The following THSD7B variants were observed in gnomAD, a reference collection of about 807,000 sequenced individuals.
The protein encoded by THSD7B is thrombospondin type-1 domain-containing protein 7B.
THSD7B carries 138 observed loss-of-function variants against 213.6 expected under a neutral mutation model. The observed-to-expected ratio is 0.65, with a 90% CI of 0.56 to 0.74. The LOEUF (loss-of-function observed/expected upper bound fraction) is 0.74. THSD7B is among the 30% of genes least tolerant of loss of function. The pLI is 0.00. For missense variants in THSD7B, 1,931 were observed against 1,991.5 expected (o/e 0.97, Z 0.58); for synonymous variants, 742 against 687.0 (o/e 1.08, Z -1.25).
intron 21 of THSD7B, among the ~76,000 whole-genome samples, chr2:137,650,697 A>G (rs1683122135): frequency 6.6e-6 from 1 of 152,196 alleles, no homozygotes; most frequent in Admixed American, 6.5e-5. Context: ...TTCTCCATTC[A>G]ATACAATGTT....
intron 17 of THSD7B, among the ~76,000 whole-genome samples, chr2:137,588,642 A>G (rs1681796019): frequency 1.3e-5 from 2 of 152,000 alleles, no homozygotes; most frequent in Non-Finnish European, 2.9e-5. Flanking sequence ...TTTAGCTCAT[A>G]TAGTCTCATG....
At chr2:136,944,346 A>T (rs189546776) in intron 2 of THSD7B, among the ~76,000 whole-genome samples, 1 of 152,284 alleles carries the variant, frequency 6.6e-6, no homozygotes, top group Non-Finnish European at 1.5e-5. Flanking sequence ...AGCTGAGAAG[A>T]ATGTGTATTC....
intron 2 of THSD7B, among the ~76,000 whole-genome samples, chr2:136,989,593 A>G (rs1301289420): frequency 6.6e-6 from 1 of 152,130 alleles, no homozygotes; most frequent in Non-Finnish European, 1.5e-5. Flanking sequence ...TTTCTTTATA[A>G]ATTACCCAGC....
rs1553437349 is a variant in THSD7B at position 137,303,706 on chromosome 2, A to ATATATATTTATATATATGTTTT, written c.2500+27687_2500+27688insTTATATATATGTTTTTATATAT. ...TATTTATATATATTTATATATATTTATATATATATTTATATATATATTTAT... is the reference window on the plus strand; with the variant it reads ...TATTTATATATATTTATATATATTTATATATATTTATATATATGTTTTTATATATATTTATATATATATTTAT... On this transcript the variant is annotated intron_variant, in intron 12 of 27. Transcript: ENST00000409968. Among the ~76,000 whole-genome samples, 17 of 122,166 alleles carry ATATATATTTATATATATGTTTT rather than the reference A, an allele frequency of 1.4e-4. 1 individual carries two copies. Among genetic ancestry groups the ATATATATTTATATATATGTTTT allele is most frequent in the African/African-American group, 5.3e-4 (17 of 31,858 alleles). 80.1% of individuals were successfully genotyped at this position (122,166 alleles called of 152,430 possible).
intron 12 of THSD7B, among the ~76,000 whole-genome samples, chr2:137,404,498 CACACACACAT>C (rs1197894835): frequency 2.8e-4 from 40 of 140,770 alleles, no homozygotes; most frequent in South Asian, 4.5e-4. Context: ...CACACACACA[CACACACACAT>C]ATATGTATAT....
intron 6 of THSD7B, among the ~76,000 whole-genome samples, chr2:137,169,417 A>G (rs1472224927): frequency 6.6e-6 from 1 of 151,618 alleles, no homozygotes; most frequent in East Asian, 2.0e-4. Context: ...TCTTTCTCCA[A>G]CTATACCTTG....
chr2:137,102,865 C>T (rs1191544072), intron 4 of THSD7B, among the ~76,000 whole-genome samples: 1 of 152,122 alleles, frequency 6.6e-6, no homozygotes, highest in Admixed American at 6.5e-5. Context: ...AGAACAAAGC[C>T]TCCAAGAACC....
chr2:137,247,585 A>G (rs1162004249), intron 10 of THSD7B, among the ~76,000 whole-genome samples: 1 of 152,184 alleles, frequency 6.6e-6, no homozygotes, highest in Non-Finnish European at 1.5e-5. Flanking sequence ...GTCTCAAATA[A>G]TTGGAGGCTG....
Position 136,978,925 on chromosome 2 carries a change from T to C in THSD7B, c.140-77495T>C, listed in dbSNP as rs1391356463. 2.6e-5 allele frequency among the ~76,000 whole-genome samples: 4 copies of C among 151,302 alleles called. No homozygotes were observed. The East Asian group carries it at 7.7e-4, about 29-fold the overall frequency. ...TGTTTTTTTTTTTTGTAGTGGTTGG[T>C]ATAGGCTTTTTCTTTCCATATTCAT... On this transcript the variant is annotated intron_variant, in intron 2 of 27. Coordinates refer to ENST00000409968, the MANE Select transcript of THSD7B (RefSeq NM_001316349.2).
At chr2:137,518,064 C>A (rs892078629) in intron 15 of THSD7B, among the ~76,000 whole-genome samples, 11 of 152,036 alleles carry the variant, frequency 7.2e-5, no homozygotes, top group East Asian at 1.9e-4. Flanking sequence ...TGGTTGGGCT[C>A]CCAATCACAT....
At chr2:137,072,619 G>C (rs1445747451) in intron 3 of THSD7B, among the ~76,000 whole-genome samples, 2 of 152,074 alleles carry the variant, frequency 1.3e-5, no homozygotes. Flanking sequence ...TAATTGCCCT[G>C]GCCAGAACTT....
intron 15 of THSD7B, among the ~76,000 whole-genome samples, chr2:137,551,338 G>T (rs1346402325): frequency 6.6e-6 from 1 of 152,118 alleles, no homozygotes. Flanking sequence ...GGGGAGAAAA[G>T]CTCATTCAAG....
intron 27 of THSD7B, among the ~76,000 whole-genome samples, chr2:137,675,395 A>G (rs1303722174): frequency 1.4e-5 from 2 of 140,434 alleles, no homozygotes; most frequent in Non-Finnish European, 3.0e-5. Context: ...CAAGTGCTAA[A>G]TGAATGCCAT....
chr2:137,328,872 C>T (rs969341581), intron 12 of THSD7B, among the ~76,000 whole-genome samples: 2 of 152,156 alleles, frequency 1.3e-5, no homozygotes, highest in Non-Finnish European at 2.9e-5. Flanking sequence ...TGAAGAGGTG[C>T]CTTCTTCTAT....
At chr2:137,590,302 G>T (rs1681835405) in intron 17 of THSD7B, among the ~76,000 whole-genome samples, 1 of 152,210 alleles carries the variant, frequency 6.6e-6, no homozygotes, top group Non-Finnish European at 1.5e-5. Flanking sequence ...AAGGCTGATG[G>T]TCTGATTGAT....
chr2:137,102,589 TC>T (rs1412255114), intron 4 of THSD7B, among the ~76,000 whole-genome samples: 1 of 152,036 alleles, frequency 6.6e-6, no homozygotes, highest in Non-Finnish European at 1.5e-5. Context: ...AACAAACTCC[TC>T]CCAGCTAAAG....
chr2:137,534,784 C>T (rs866608610), intron 15 of THSD7B, among the ~76,000 whole-genome samples: 2 of 151,686 alleles, frequency 1.3e-5, no homozygotes, highest in African/African-American at 4.8e-5. Flanking sequence ...CTTATAATCA[C>T]ATTAGATATC....
At chr2:137,090,612 C>T (rs770982192) in intron 3 of THSD7B, among the ~76,000 whole-genome samples, 7 of 152,222 alleles carry the variant, frequency 4.6e-5, no homozygotes, top group Middle Eastern at 3.4e-3. Context: ...TTACAAAAGA[C>T]AGCATGTTCT....
At chr2:137,625,348 A>G in intron 20 of THSD7B, among the ~76,000 whole-genome samples, 2 of 111,346 alleles carry the variant, frequency 1.8e-5, no homozygotes, top group Non-Finnish European at 1.8e-5. Flanking sequence ...GGGGGGAGGG[A>G]TAACATTAGG....
Sources: gnomAD v4.1 joint callset for allele counts (sites outside exome capture counted in the v4.1 genomes callset) on GRCh38, gnomAD v4.1.1 for gene constraint, MANE v1.5 for transcripts, NCBI Gene and HGNC (gene_info 2026-07-23, HGNC 2026-07-21) for gene names.